The following SEMA6B variants were observed in gnomAD, a reference collection of about 807,000 sequenced individuals.
SEMA6B encodes semaphorin-6B.
Under a neutral mutation model 78.6 loss-of-function variants are expected in SEMA6B, and 47 were observed. The observed-to-expected ratio is 0.60, with a 90% CI of 0.47 to 0.76. The LOEUF (loss-of-function observed/expected upper bound fraction) is 0.76, where lower values mean the gene tolerates loss of function less well. Among genes scored for constraint, SEMA6B ranks in the 30% least tolerant of loss-of-function variants. The pLI, the probability that SEMA6B is intolerant of heterozygous loss-of-function variation, is 0.00. For synonymous variants in SEMA6B, 632 were observed against 592.2 expected (o/e 1.07, Z -0.98); for missense variants, 1,213 against 1,269.9 (o/e 0.96, Z 0.68).
At position 4,548,031 on chromosome 19, in the gene SEMA6B, T is replaced by C. The variant is rs765865240; in HGVS notation, c.1597A>G (p.Met533Val). ...TGGCCTGGGGTGGACACTCACTTCA[T>C]ACACCCCGAGTACTGCTGGCAGCGA... is the stretch of plus-strand genomic sequence containing the variant. ...VARCQQYSGC[M>V]KNCIGSQDPY... The change falls in exon 14 of 17, where the codon ATG (methionine) becomes GTG (valine). Residue 533 changes from methionine to valine, a missense_variant. Met to Val is a conservative substitution (Grantham distance 21). Transcript: ENST00000586582. The C allele has an allele frequency of 6.4e-5, 99 of 1,553,040 alleles. No homozygotes were observed. The highest frequency in any genetic ancestry group is 8.2e-5 in the Non-Finnish European group (95 of 1,152,018).
At chr19:4,546,302 A>G in intron 15 of SEMA6B, 28 bp from the exon 16 acceptor site, 3 of 1,611,914 alleles carry the variant, frequency 1.9e-6, no homozygotes, top group Non-Finnish European at 2.5e-6. Flanking sequence ...CACCGTCAGC[A>G]GAGGCCCCTC....
rs1194567643 is a variant in SEMA6B, at chr19:4,548,012, G to A, written c.1601+15C>T. On this transcript the variant is annotated intron_variant, in intron 14 of 16. Coordinates refer to ENST00000586582, the MANE Select transcript of SEMA6B (RefSeq NM_032108.4). ...CTTGCTTCCCGCCCACGGCTGGCCT[G>A]GGGTGGACACTCACTTCATACACCC... 2.0e-6 allele frequency: 3 copies of A among 1,533,240 alleles called. No homozygotes were observed. The African/African-American group carries it at 4.1e-5, about 21-fold the overall frequency. The allele number at this position is 1,533,240 out of a possible 1,614,324, so 95.0% of individuals were successfully genotyped here.
chr19:4,544,151 A>C lies in SEMA6B; in HGVS notation c.2117T>G (p.Leu706Arg). ...QGGPHDLDSG[L>R]LPTPEQTPLP... Reference sequence around the variant, plus strand: ...CGGCGTCTGCTCGGGCGTGGGCAGCAGCCCCGAGTCCAGGTCGTGGGGCCC... The same window carrying C: ...CGGCGTCTGCTCGGGCGTGGGCAGCCGCCCCGAGTCCAGGTCGTGGGGCCC... Residue 706 changes from leucine (L) to arginine (R), a missense_variant, in exon 17 of 17, where the codon CTG becomes CGG. Coordinates refer to ENST00000586582, the MANE Select transcript of SEMA6B (RefSeq NM_032108.4). This position sits in a 1 kb window ranked among gnomAD's most constrained non-coding sequence, Gnocchi z 5.1. 1 of 1,272,882 alleles carries C rather than the reference A, an allele frequency of 7.9e-7. No homozygotes were observed. The highest frequency in any genetic ancestry group is 9.9e-7 in the Non-Finnish European group (1 of 1,011,674). 78.8% of individuals were successfully genotyped at this position (1,272,882 alleles called of 1,614,324 possible).
rs539066485 is a variant in SEMA6B at position 4,552,791 on chromosome 19, C to G, written c.772-152G>C. 5 of 661,176 alleles carry G rather than the reference C, an allele frequency of 7.6e-6. No homozygotes were observed. The highest frequency in any genetic ancestry group is 1.2e-5 in the Non-Finnish European group (5 of 401,604). The allele number at this position is 661,176 out of a possible 1,614,324, so 41.0% of individuals were successfully genotyped here. On this transcript the variant is annotated intron_variant, in intron 9 of 16. Coordinates refer to ENST00000586582, the MANE Select transcript of SEMA6B (RefSeq NM_032108.4). The surrounding 1 kb of genome is among the most constrained non-coding windows in gnomAD (Gnocchi z 7.4). ...CCAGTCACCGTTCCTCTCTGGGCAC[C>G]GGCTTCCCTGGCAGAAATTCCCGGT...
chr19:4,543,976 C>T lies in SEMA6B; in HGVS notation c.2292G>A (p.Ala764=). ...GGCCGTCGGGGGTCGGCTCCCCAGG[C>T]GCGGGGGGCTGCTCGGGGGCCCGGG... is the stretch of plus-strand genomic sequence containing the variant. ...APARAPEQPP[A]PGEPTPDGRL... Residue 764 remains alanine (A), a synonymous_variant, in exon 17 of 17, where the codon GCG becomes GCA. Transcript: ENST00000586582. 8.3e-7 allele frequency: 1 copy of T among 1,203,690 alleles called. No homozygotes were observed. The highest frequency in any genetic ancestry group is 1.0e-6 in the Non-Finnish European group (1 of 970,240). The allele number at this position is 1,203,690 out of a possible 1,614,324, so 74.6% of individuals were successfully genotyped here.
At chr19:4,548,628 C>T (rs1208290824) in intron 12 of SEMA6B, among the ~76,000 whole-genome samples, 183 bp from the exon 13 acceptor site, 1 of 152,234 alleles carries the variant, frequency 6.6e-6, no homozygotes, top group African/African-American at 2.4e-5. Context: ...TGGGCACACT[C>T]GCCCTTTTTT....
Position 4,542,937 on chromosome 19 carries a change from G to A in SEMA6B, c.*664C>T, listed in dbSNP as rs1238488166. ...GTTCAAACTCCTAACCGGCACCTCG[G>A]AGACCCCCGGGCCTTCTGGAAGCCC... On this transcript the variant is annotated 3_prime_UTR_variant, in exon 17 of 17. Coordinates refer to ENST00000586582, the MANE Select transcript of SEMA6B (RefSeq NM_032108.4). 5 of 700,752 alleles carry A rather than the reference G, an allele frequency of 7.1e-6. No homozygotes were observed. The highest frequency in any genetic ancestry group is 1.0e-5 in the Non-Finnish European group (4 of 384,832). 43.4% of individuals were successfully genotyped at this position (700,752 alleles called of 1,614,324 possible).
chr19:4,543,586 C>A lies in SEMA6B; in HGVS notation c.*15G>T. ...CCCGTGGCTGGCACTGCCAAGGCAT[C>A]GGGGGGCCCCCGGCCTAGGGCACGG... On this transcript the variant is annotated 3_prime_UTR_variant, in exon 17 of 17. Coordinates refer to ENST00000586582, the MANE Select transcript of SEMA6B (RefSeq NM_032108.4). The A allele has an allele frequency of 8.3e-7, 1 of 1,210,442 alleles. No homozygotes were observed. The highest frequency in any genetic ancestry group is 1.6e-5 in the African/African-American group (1 of 64,430). 75.0% of individuals were successfully genotyped at this position (1,210,442 alleles called of 1,614,324 possible). A position where few individuals can be genotyped will look rare whatever the true frequency, so the allele number is the denominator to read the frequency against.
At position 4,558,257 on chromosome 19, in the gene SEMA6B, A is replaced by G; in HGVS notation, c.121+80T>C. The G allele has an allele frequency of 2.3e-6, 3 of 1,302,678 alleles. No individual in the cohort carries two copies. Among genetic ancestry groups the G allele is most frequent in the Non-Finnish European group, 3.0e-6 (3 of 1,015,228 alleles). The allele number at this position is 1,302,678 out of a possible 1,614,324, so 80.7% of individuals were successfully genotyped here. Reference sequence around the variant, plus strand: ...GGCTCCTGGACTGCTTGAGTCCCCCAGTGGGGGCAGCAGACCCAACTGGGA... The same window carrying G: ...GGCTCCTGGACTGCTTGAGTCCCCCGGTGGGGGCAGCAGACCCAACTGGGA... On this transcript the variant is annotated intron_variant, in intron 2 of 16. Transcript: ENST00000586582. The surrounding 1 kb of genome is among the most constrained non-coding windows in gnomAD (Gnocchi z 5.1).
In SEMA6B at chr19:4,542,702, A is replaced by AG; in HGVS notation, c.*898dup. ...GCATGCATGGTCAGCTGGAGGTCAG[A>AG]GGGGGGAGGTCACAAGGGGACGGGT... is the stretch of plus-strand genomic sequence containing the variant. On this transcript the variant is annotated 3_prime_UTR_variant, in exon 17 of 17. Coordinates refer to ENST00000586582, the MANE Select transcript of SEMA6B (RefSeq NM_032108.4). The AG allele has an allele frequency of 1.5e-6, 1 of 671,954 alleles. No individual in the cohort carries two copies. Among genetic ancestry groups the AG allele is most frequent in the Non-Finnish European group, 2.7e-6 (1 of 366,344 alleles). The allele number at this position is 671,954 out of a possible 1,614,324, so 41.6% of individuals were successfully genotyped here. A position where few individuals can be genotyped will look rare whatever the true frequency, so the allele number is the denominator to read the frequency against.
chr19:4,553,867 G>A (rs188724321), intron 9 of SEMA6B, among the ~76,000 whole-genome samples: 1 of 152,076 alleles, frequency 6.6e-6, no homozygotes, highest in Non-Finnish European at 1.5e-5. Flanking sequence ...TGGATGGATA[G>A]GTGGATGGAC....
rs759465456 is a variant in SEMA6B at position 4,552,533 on chromosome 19, G to C, written c.878C>G (p.Ser293Cys). 5 of 1,612,948 alleles carry C rather than the reference G, an allele frequency of 3.1e-6. No homozygotes were observed. Among genetic ancestry groups the C allele is most frequent in the Non-Finnish European group, 3.4e-6 (4 of 1,179,998 alleles). Residue 293 changes from serine to cysteine, a missense_variant, in exon 10 of 17, where the codon TCT becomes TGT. Ser to Cys is a moderately radical substitution (Grantham distance 112). Transcript: ENST00000586582. This position sits in a 1 kb window ranked among gnomAD's most constrained non-coding sequence, Gnocchi z 7.4. ...GTAGAAATGGGAGTCTCCGGGTACA[G>C]AGCAGTTGAGCCGCGCCTTCAGGAA... ...TSFLKARLNCSVPGDSHFYFN... is the reference protein window; with the variant it reads ...TSFLKARLNCCVPGDSHFYFN...
At position 4,552,338 on chromosome 19, in the gene SEMA6B, G is replaced by A. The variant is rs1977353466; in HGVS notation, c.989+84C>T. 1 of 1,352,898 alleles carries A rather than the reference G, an allele frequency of 7.4e-7. No individual in the cohort carries two copies. The highest frequency in any genetic ancestry group is 1.0e-6 in the Non-Finnish European group (1 of 986,788). The allele number at this position is 1,352,898 out of a possible 1,614,324, so 83.8% of individuals were successfully genotyped here. A position where few individuals can be genotyped will look rare whatever the true frequency, so the allele number is the denominator to read the frequency against. ...CCAGTGGTGCCCAACCTAGCACCCA[G>A]GGCATACCTGAGGAGTGAATACAGG... On this transcript the variant is annotated intron_variant, in intron 10 of 16. Coordinates refer to ENST00000586582, the MANE Select transcript of SEMA6B (RefSeq NM_032108.4). This position sits in a 1 kb window ranked among gnomAD's most constrained non-coding sequence, Gnocchi z 7.4.
Position 4,555,933 on chromosome 19 carries a change from G to T in SEMA6B, c.471+55C>A. The T allele has an allele frequency of 7.1e-7, 1 of 1,401,190 alleles. No individual in the cohort carries two copies. Among genetic ancestry groups the T allele is most frequent in the South Asian group, 1.2e-5 (1 of 86,774 alleles). 86.8% of individuals were successfully genotyped at this position (1,401,190 alleles called of 1,614,324 possible). On this transcript the variant is annotated intron_variant, in intron 6 of 16. Coordinates refer to ENST00000586582, the MANE Select transcript of SEMA6B (RefSeq NM_032108.4). The surrounding 1 kb of genome is among the most constrained non-coding windows in gnomAD (Gnocchi z 6.1). Reference sequence around the variant, plus strand: ...GGAAAAGCCATGGCCAGCGGAGGTCGGGCGAGCAGAGGCCTGGAGGTTGGA... The same window carrying T: ...GGAAAAGCCATGGCCAGCGGAGGTCTGGCGAGCAGAGGCCTGGAGGTTGGA...
chr19:4,546,185 G>C (rs995243214), intron 16 of SEMA6B, 31 bp downstream of exon 16: 5 of 1,580,940 alleles, frequency 3.2e-6, no homozygotes, highest in Middle Eastern at 2.2e-4. Context: ...GTGGGGGATG[G>C]GGGTCTTAGC....
At chr19:4,554,529 C>G in intron 8 of SEMA6B, 53 bp from the exon 9 acceptor site, 2 of 1,423,584 alleles carry the variant, frequency 1.4e-6, no homozygotes, top group South Asian at 2.3e-5. Context: ...AAGGGGGTTT[C>G]TGGGGCTAAG....
At position 4,544,547 on chromosome 19, in the gene SEMA6B, G is replaced by T. The variant is rs757537761; in HGVS notation, c.1739-18C>A. On this transcript the variant is annotated intron_variant, in intron 16 of 16. Transcript: ENST00000586582. This position sits in a 1 kb window ranked among gnomAD's most constrained non-coding sequence, Gnocchi z 5.1. ...CAGGAGTCCTGGCCGGGGAGCACAGGGGGGTTAGTGGGGCCGGCGGGGTGG... is the reference window on the plus strand; with the variant it reads ...CAGGAGTCCTGGCCGGGGAGCACAGTGGGGTTAGTGGGGCCGGCGGGGTGG... 98 of 1,453,048 alleles carry T rather than the reference G, an allele frequency of 6.7e-5. No individual in the cohort carries two copies. The highest frequency in any genetic ancestry group is 2.1e-4 in the Middle Eastern group (1 of 4,806). The allele number at this position is 1,453,048 out of a possible 1,614,324, so 90.0% of individuals were successfully genotyped here. A position where few individuals can be genotyped will look rare whatever the true frequency, so the allele number is the denominator to read the frequency against.
At position 4,546,480 on chromosome 19, in the gene SEMA6B, C is replaced by T. The variant is rs377197582; in HGVS notation, c.1602-11G>A. On this transcript the variant is annotated splice_polypyrimidine_tract_variant and intron_variant, in intron 14 of 16. Transcript: ENST00000586582. ...CTGCCGATACAGTTCCTAGAGCAGA[C>T]CAGGGACCGAATGGGACAAGTGTCC... 234 of 1,542,638 alleles carry T rather than the reference C, an allele frequency of 1.5e-4. No homozygotes were observed. The African/African-American group carries it at 3.1e-3, about 20-fold the overall frequency.
At chr19:4,551,013 A>G (rs1294273522) in intron 10 of SEMA6B, 83 bp from the exon 11 acceptor site, 5 of 1,506,930 alleles carry the variant, frequency 3.3e-6, no homozygotes, top group Non-Finnish European at 4.6e-6. Flanking sequence ...CTCTGTCTGC[A>G]GGAGCCAGTG....
Sources: allele counts gnomAD v4.1 joint callset (sites outside exome capture counted in the v4.1 genomes callset), GRCh38; gene constraint gnomAD v4.1.1; non-coding constraint Gnocchi (gnomAD v3.1); transcripts MANE v1.5; gene names NCBI Gene and HGNC (gene_info 2026-07-23, HGNC 2026-07-21).